The following RNF150 variants were observed in gnomAD, a reference collection of about 807,000 sequenced individuals.
RNF150 encodes the protein ring finger protein 150.
RNF150 carries 24 observed loss-of-function variants against 39.3 expected under a neutral mutation model. The ratio of observed to expected loss-of-function variants is 0.61; its 90% confidence interval spans 0.44 to 0.86. The LOEUF is 0.86. Ranked by LOEUF, RNF150 falls within the 40% of genes least tolerant of loss-of-function variation. The pLI is 0.00. For missense variants in RNF150, 502 were observed against 587.8 expected (o/e 0.85, Z 1.51); for synonymous variants, 255 against 227.3 (o/e 1.12, Z -1.10).
intron 2 of RNF150, among the ~76,000 whole-genome samples, chr4:140,964,601 G>GTGC (rs1424300315): frequency 6.6e-6 from 1 of 152,024 alleles, no homozygotes; most frequent in African/African-American, 2.4e-5. Flanking sequence ...ATGCTGAAAA[G>GTGC]TGCTACTGGG....
chr4:141,061,903 T>C (rs911127296), intron 1 of RNF150, among the ~76,000 whole-genome samples: 1 of 152,156 alleles, frequency 6.6e-6, no homozygotes, highest in African/African-American at 2.4e-5. Context: ...ATTTCAAAAT[T>C]GAAGGAATCG....
chr4:141,087,986 T>C (rs1433233006), intron 1 of RNF150, among the ~76,000 whole-genome samples: 2 of 152,178 alleles, frequency 1.3e-5, no homozygotes, highest in Admixed American at 6.5e-5. Context: ...AGCAGTGTGC[T>C]TTAGTGGAAG....
intron 1 of RNF150, among the ~76,000 whole-genome samples, chr4:140,985,958 G>A (rs1734002880): frequency 6.6e-6 from 1 of 152,012 alleles, no homozygotes; most frequent in Non-Finnish European, 1.5e-5. Context: ...TGTATAAAAA[G>A]ATTAAGGCAA....
chr4:141,197,877 C>CA lies in RNF150; in HGVS notation c.-6+14916dup, dbSNP rs112112720. Among the ~76,000 whole-genome samples the CA allele has an allele frequency of 8.9e-4, 125 of 140,244 alleles. 3 individuals are homozygous for CA. The East Asian group carries it at 9.3e-3, about 10-fold the overall frequency. The allele number at this position is 140,244 out of a possible 152,430, so 92.0% of individuals were successfully genotyped here. On this transcript the variant is annotated intron_variant, in intron 1 of 7. Transcript: ENST00000420921. ...TGGTTGACAGAGCAAGATTCTGTCT[C>CA]AAAAAAAAAATAAATAAATAAAAAA...
chr4:141,195,553 A>G (rs1470333091), intron 1 of RNF150, among the ~76,000 whole-genome samples: 1 of 151,674 alleles, frequency 6.6e-6, no homozygotes, highest in Non-Finnish European at 1.5e-5. Context: ...AGGTTGGGGG[A>G]TGTTGTTATG....
intron 1 of RNF150, among the ~76,000 whole-genome samples, chr4:141,161,908 C>T (rs1023376267): frequency 6.6e-6 from 1 of 152,208 alleles, no homozygotes; most frequent in African/African-American, 2.4e-5. Flanking sequence ...CATAGATGTC[C>T]AGGCAGAAGC....
rs1417700207 is a variant in RNF150 at position 141,151,435 on chromosome 4, CACACACACACACACACACACACACACAG to C, written c.-6+61331_-6+61358del. Among the ~76,000 whole-genome samples the C allele has an allele frequency of 1.5e-3, 140 of 96,542 alleles. 2 individuals are homozygous for C. The highest frequency in any genetic ancestry group is 3.5e-3 in the African/African-American group (103 of 29,184). The allele number at this position is 96,542 out of a possible 152,430, so 63.3% of individuals were successfully genotyped here. On this transcript the variant is annotated intron_variant, in intron 1 of 7. Coordinates refer to the RNF150 transcript ENST00000420921. ...ACACACACACACACACACACACACA[CACACACACACACACACACACACACACAG>C]ACACACACACAAATTTAAGTCAATA...
At chr4:141,188,597 T>C (rs1381549593) in intron 1 of RNF150, among the ~76,000 whole-genome samples, 1 of 152,200 alleles carries the variant, frequency 6.6e-6, no homozygotes, top group Admixed American at 6.5e-5. Context: ...TTCATTAAGT[T>C]GATCTTCGAT....
intron 1 of RNF150, among the ~76,000 whole-genome samples, chr4:140,970,190 C>G (rs976408744): frequency 1.3e-5 from 2 of 152,186 alleles, no homozygotes; most frequent in African/African-American, 4.8e-5. Flanking sequence ...AAAATAGCTT[C>G]TCAAAACCTT....
chr4:141,044,255 A>G (rs1736477899), intron 1 of RNF150, among the ~76,000 whole-genome samples: 1 of 152,206 alleles, frequency 6.6e-6, no homozygotes, highest in African/African-American at 2.4e-5. Flanking sequence ...TCTTTTAATT[A>G]AAGCACATCC....
chr4:140,978,298 C>T (rs1733737828), intron 1 of RNF150, among the ~76,000 whole-genome samples: 1 of 152,154 alleles, frequency 6.6e-6, no homozygotes, highest in Admixed American at 6.5e-5. Flanking sequence ...AACAGATCCT[C>T]TCAGTGTAGA....
chr4:141,189,358 G>A (rs547081893), intron 1 of RNF150, among the ~76,000 whole-genome samples: 1 of 152,334 alleles, frequency 6.6e-6, no homozygotes, highest in South Asian at 2.1e-4. Context: ...TTATCTCCCA[G>A]TCAGGTGGCA....
intron 1 of RNF150, among the ~76,000 whole-genome samples, chr4:141,050,187 G>C (rs1272873439): frequency 2.6e-5 from 4 of 152,042 alleles, no homozygotes; most frequent in Non-Finnish European, 5.9e-5. Context: ...TCAGTAGGGA[G>C]CTTGAAGAAA....
intron 1 of RNF150, among the ~76,000 whole-genome samples, chr4:141,001,547 T>A (rs925064303): frequency 2.0e-5 from 3 of 152,148 alleles, no homozygotes; most frequent in Admixed American, 2.0e-4. Context: ...AAGCTTTCAT[T>A]AATTCTTTTT....
chr4:141,151,454 ACACACACAGACACACACAC>A (rs1220620176), intron 1 of RNF150, among the ~76,000 whole-genome samples: 8 of 7,468 alleles, frequency 1.1e-3, no homozygotes, highest in Non-Finnish European at 8.3e-3. Context: ...ACACACACAC[ACACACACAGACACACACAC>A]AAATTTAAGT....
chr4:141,152,944 C>T (rs367885258), intron 1 of RNF150, among the ~76,000 whole-genome samples: 2 of 152,064 alleles, frequency 1.3e-5, no homozygotes, highest in South Asian at 2.1e-4. Context: ...AACCCATTAC[C>T]TAGGTATTAA....
intron 1 of RNF150, among the ~76,000 whole-genome samples, chr4:141,088,861 G>A (rs138229770): frequency 4.6e-5 from 7 of 152,102 alleles, no homozygotes; most frequent in African/African-American, 1.2e-4. Flanking sequence ...TTCACCTTCC[G>A]GGCTAGATGT....
intron 6 of RNF150, among the ~76,000 whole-genome samples, chr4:140,903,873 T>C (rs1053775347): frequency 5.3e-5 from 8 of 152,216 alleles, no homozygotes; most frequent in East Asian, 1.9e-4. Flanking sequence ...TCTAAATTGA[T>C]TGATTCTCTC....
intron 2 of RNF150, among the ~76,000 whole-genome samples, chr4:140,966,064 G>A (rs1248252390): frequency 6.6e-6 from 1 of 152,090 alleles, no homozygotes; most frequent in African/African-American, 2.4e-5. Context: ...ACCAGGTGTA[G>A]TGGCTCACGC....
Sources: gnomAD v4.1 joint callset for allele counts (sites outside exome capture counted in the v4.1 genomes callset) on GRCh38, gnomAD v4.1.1 for gene constraint, MANE v1.5 for transcripts, NCBI Gene and HGNC (gene_info 2026-07-23, HGNC 2026-07-21) for gene names.